CNTLN: variants seen among roughly 807,000 people sequenced by gnomAD.
CNTLN encodes the protein centlein, centrosomal protein.
Under a neutral mutation model 180.0 loss-of-function variants are expected in CNTLN, and 212 were observed. That is an observed-to-expected ratio of 1.18 (90% CI 1.05 to 1.32). The LOEUF (loss-of-function observed/expected upper bound fraction) is 1.32, where lower values mean the gene tolerates loss of function less well. Ranked by LOEUF, CNTLN falls within the 40% of genes most tolerant of loss-of-function variation. The pLI, the probability that CNTLN is intolerant of heterozygous loss-of-function variation, is 0.00. For synonymous variants in CNTLN, 722 were observed against 563.1 expected (o/e 1.28, Z -3.99); for missense variants, 2,095 against 1,610.9 (o/e 1.30, Z -5.14).
At position 17,306,392 on chromosome 9, in the gene CNTLN, G is replaced by A. The variant is rs551911093; in HGVS notation, c.1147-2666G>A. Among the ~76,000 whole-genome samples, 60 of 152,222 alleles carry A rather than the reference G, an allele frequency of 3.9e-4. 1 individual carries two copies. In the South Asian group the frequency reaches 6.8e-3, roughly 17 times the overall value. On this transcript the variant is annotated intron_variant, in intron 7 of 25. Coordinates refer to ENST00000380647, the MANE Select transcript of CNTLN (RefSeq NM_017738.4). ...TTGAACTCCCGTCGTCAGGTGATCC[G>A]CCAGCCTCGGTCTCCCAAAGTGCTG...
chr9:17,431,344 G>T (rs1829408627), intron 18 of CNTLN, among the ~76,000 whole-genome samples: 1 of 151,892 alleles, frequency 6.6e-6, no homozygotes, highest in South Asian at 2.1e-4. Flanking sequence ...GGCCATTTAT[G>T]TCTTTTTTTA....
At chr9:17,389,216 C>T (rs180892200) in intron 14 of CNTLN, among the ~76,000 whole-genome samples, 2 of 152,098 alleles carry the variant, frequency 1.3e-5, no homozygotes. Flanking sequence ...CTGAATGACA[C>T]ATATCAAGTT....
chr9:17,490,202 G>T (rs1298037907), intron 25 of CNTLN, among the ~76,000 whole-genome samples: 1 of 152,080 alleles, frequency 6.6e-6, no homozygotes, highest in Admixed American at 6.6e-5. Context: ...ATTGTAGGAT[G>T]GTTGGAGAGA....
intron 23 of CNTLN, among the ~76,000 whole-genome samples, chr9:17,483,639 C>T (rs1315368807): frequency 1.3e-5 from 2 of 152,164 alleles, no homozygotes; most frequent in African/African-American, 4.8e-5. Context: ...GTTACCCACA[C>T]GTAGGTGTGG....
intron 6 of CNTLN, among the ~76,000 whole-genome samples, chr9:17,287,877 G>A (rs1308457459): frequency 4.8e-5 from 7 of 146,420 alleles, no homozygotes; most frequent in East Asian, 4.0e-4. Flanking sequence ...TTTTTATTGT[G>A]TCTATTTGAT....
At chr9:17,297,996 CGTT>C (rs762891799) in intron 6 of CNTLN, among the ~76,000 whole-genome samples, 191 bp from the exon 7 acceptor site, 8 of 152,102 alleles carry the variant, frequency 5.3e-5, no homozygotes, top group East Asian at 1.9e-4. Context: ...AAGTCATAGT[CGTT>C]GTATCAATAC....
intron 5 of CNTLN, among the ~76,000 whole-genome samples, chr9:17,268,981 G>A (rs1319423797): frequency 6.6e-6 from 1 of 152,082 alleles, no homozygotes; most frequent in Admixed American, 6.6e-5. Context: ...GACCCCTTGT[G>A]CTTCCCGAGT....
chr9:17,501,356 G>C (rs1833745631), intron 25 of CNTLN, among the ~76,000 whole-genome samples: 1 of 152,196 alleles, frequency 6.6e-6, no homozygotes, highest in Non-Finnish European at 1.5e-5. Context: ...GCAGTTTTCT[G>C]GATCAGATGT....
chr9:17,320,889 C>G (rs1442611381), intron 8 of CNTLN, among the ~76,000 whole-genome samples: 1 of 152,190 alleles, frequency 6.6e-6, no homozygotes, highest in Non-Finnish European at 1.5e-5. Flanking sequence ...GATTATGAAC[C>G]TAAGGCTTTT....
chr9:17,144,009 T>G (rs1196447590), intron 2 of CNTLN, among the ~76,000 whole-genome samples: 5 of 152,186 alleles, frequency 3.3e-5, no homozygotes, highest in African/African-American at 1.2e-4. Flanking sequence ...AACACTTGCT[T>G]TCTTAGTAAA....
At chr9:17,419,394 AG>A (rs917045197) in intron 18 of CNTLN, among the ~76,000 whole-genome samples, 1 of 152,176 alleles carries the variant, frequency 6.6e-6, no homozygotes, top group African/African-American at 2.4e-5. Context: ...ATTTGTTCAA[AG>A]TATGTATCCG....
At chr9:17,253,364 C>T (rs754468103) in intron 5 of CNTLN, among the ~76,000 whole-genome samples, 1 of 151,600 alleles carries the variant, frequency 6.6e-6, no homozygotes, top group African/African-American at 2.4e-5. Context: ...GCAGTTTGGT[C>T]ATTTTAACAA....
At chr9:17,403,264 A>C (rs1259597126) in intron 15 of CNTLN, among the ~76,000 whole-genome samples, 1 of 151,844 alleles carries the variant, frequency 6.6e-6, no homozygotes, top group Admixed American at 6.6e-5. Flanking sequence ...TAATGGGTTC[A>C]TGAACAAAGT....
chr9:17,388,196 C>G lies in CNTLN; in HGVS notation c.2022C>G (p.Val674=). 1.2e-6 allele frequency: 2 copies of G among 1,612,062 alleles called. No individual in the cohort carries two copies. The highest frequency in any genetic ancestry group is 8.5e-7 in the Non-Finnish European group (1 of 1,178,706). ...TTAGATCTGGTGAAGATGATGAGGT[C>G]AAGAGGAGTACTCCAGAGAAGAATG... ...QLFRSGEDDE[V]KRSTPEKNGK... is the part of the protein sequence containing the mutation. The change falls in exon 14 of 26, where the codon GTC becomes GTG. Residue 674 remains valine (V), a synonymous_variant. Transcript: ENST00000380647.
At chr9:17,325,944 T>A (rs545207605) in intron 8 of CNTLN, among the ~76,000 whole-genome samples, 1 of 152,106 alleles carries the variant, frequency 6.6e-6, no homozygotes, top group Non-Finnish European at 1.5e-5. Context: ...CGGCCCCCAC[T>A]GTAATAATGC....
chr9:17,487,894 T>A (rs1454556232), intron 25 of CNTLN, among the ~76,000 whole-genome samples: 3 of 152,138 alleles, frequency 2.0e-5, no homozygotes, highest in Non-Finnish European at 4.4e-5. Context: ...TGTTTTGACA[T>A]CACTGACAGC....
intron 2 of CNTLN, among the ~76,000 whole-genome samples, chr9:17,189,586 C>A (rs953638297): frequency 6.6e-6 from 1 of 151,620 alleles, no homozygotes. Flanking sequence ...CAGGTTCAAG[C>A]GATTCTCCTG....
intron 15 of CNTLN, among the ~76,000 whole-genome samples, chr9:17,402,864 TC>T (rs1827089540): frequency 1.3e-5 from 2 of 151,722 alleles, no homozygotes; most frequent in African/African-American, 4.9e-5. Context: ...GATTTGGACT[TC>T]CTAGCCTTCA....
chr9:17,142,986 G>A (rs527771102), intron 1 of CNTLN, among the ~76,000 whole-genome samples: 2 of 152,260 alleles, frequency 1.3e-5, no homozygotes, highest in Non-Finnish European at 2.9e-5. Flanking sequence ...TGATAAAAGC[G>A]GAGCTGAAAA....
Sources: allele counts gnomAD v4.1 joint callset (sites outside exome capture counted in the v4.1 genomes callset), GRCh38; gene constraint gnomAD v4.1.1; transcripts MANE v1.5; gene names NCBI Gene and HGNC (gene_info 2026-07-23, HGNC 2026-07-21).